SLC8B1: variants seen among roughly 807,000 people sequenced by gnomAD.
SLC8B1 encodes solute carrier family 8 member B1.
A neutral mutation model predicts 63.4 loss-of-function variants in SLC8B1; 52 were observed. The observed-to-expected ratio is 0.82, with a 90% CI of 0.66 to 1.03. SLC8B1 has a LOEUF of 1.03. Among genes scored for constraint, SLC8B1 ranks in the 50% least tolerant of loss-of-function variants. The pLI, the probability that SLC8B1 is intolerant of heterozygous loss-of-function variation, is 0.00. For synonymous variants in SLC8B1, 336 were observed against 323.9 expected, an observed-to-expected ratio of 1.04 and a Z score of -0.40; for missense variants, 657 against 741.7, an observed-to-expected ratio of 0.89 and a Z score of 1.33.
In SLC8B1 at chr12:113,320,072, T is replaced by G; in HGVS notation, c.694+259A>C. 1 of 463,754 alleles carries G rather than the reference T, an allele frequency of 2.2e-6. No homozygotes were observed. The highest frequency in any genetic ancestry group is 2.6e-5 in the South Asian group (1 of 38,056). 28.7% of individuals were successfully genotyped at this position (463,754 alleles called of 1,614,324 possible). A position where few individuals can be genotyped will look rare whatever the true frequency, so the allele number is the denominator to read the frequency against. On this transcript the variant is annotated intron_variant, in intron 7 of 15. Coordinates refer to ENST00000680972, the MANE Select transcript of SLC8B1 (RefSeq NM_001358345.2). The surrounding 1 kb of genome is among the most constrained non-coding windows in gnomAD (Gnocchi z 5.3). ...CCTCTCAAATTGCTGGGATGATAGGTGTGAGCCATCACGCTTGGCCAAAAA... is the reference window on the plus strand; with the variant it reads ...CCTCTCAAATTGCTGGGATGATAGGGGTGAGCCATCACGCTTGGCCAAAAA...
chr12:113,310,612 C>T lies in SLC8B1; in HGVS notation c.1136-257G>A, dbSNP rs117973476. ...TAGGAATGGCTATAACCACTAACAC[C>T]ACCACCCTCTTCCACCTTCATGGCA... On this transcript the variant is annotated intron_variant, in intron 11 of 15. Transcript: ENST00000680972. Among the ~76,000 whole-genome samples, 19 of 152,308 alleles carry T rather than the reference C, an allele frequency of 1.2e-4. No individual in the cohort carries two copies. The East Asian group carries it at 2.9e-3, about 23-fold the overall frequency.
At position 113,335,103 on chromosome 12, in the gene SLC8B1, C is replaced by T. The variant is rs577446121; in HGVS notation, c.-743G>A. On this transcript the variant is annotated 5_prime_UTR_variant, in exon 1 of 16. Coordinates refer to ENST00000680972, the MANE Select transcript of SLC8B1 (RefSeq NM_001358345.2). ...CCTTGCGCCAGCGAAGCCGCCAGTC[C>T]GGGTGCCCCGCCTGCTGCAGCGTCC... The T allele has an allele frequency of 6.6e-6, 1 of 152,408 alleles. No individual in the cohort carries two copies. The highest frequency in any genetic ancestry group is 1.5e-5 in the Non-Finnish European group (1 of 68,216). The allele number at this position is 152,408 out of a possible 1,614,324, so 9.4% of individuals were successfully genotyped here.
At position 113,321,190 on chromosome 12, in the gene SLC8B1, C is replaced by T. The variant is rs1462188665; in HGVS notation, c.309+6G>A. The stretch of plus-strand genomic sequence containing the variant: ...CTCTCACCAGCCCCCCAGGGCAGGG[C>T]CTCACGTAGAGAGTGACAGCCAGAG... On this transcript the variant is annotated splice_donor_region_variant and intron_variant, in intron 3 of 15. Transcript: ENST00000680972. 4.3e-6 allele frequency: 7 copies of T among 1,613,920 alleles called. No individual in the cohort carries two copies. The highest frequency in any genetic ancestry group is 1.7e-5 in the Admixed American group (1 of 59,994).
chr12:113,303,652 A>G (rs1956630501), intron 15 of SLC8B1, among the ~76,000 whole-genome samples: 1 of 152,174 alleles, frequency 6.6e-6, no homozygotes, highest in Non-Finnish European at 1.5e-5. Flanking sequence ...TCGAATAGAA[A>G]AAAATTCACT....
rs756542832 is a variant in SLC8B1, at chr12:113,332,790, G to A, written c.89C>T (p.Ser30Leu). ...GGGGCTAATGTGAGCTCCTGTAGACGAGCCCCTAGTCCCAGACACTGTCTC... is the reference window on the plus strand; with the variant it reads ...GGGGCTAATGTGAGCTCCTGTAGACAAGCCCCTAGTCCCAGACACTGTCTC... ...MAETVSGTRG[S>L]STGAHISPQF... The change falls in exon 2 of 16, where the codon TCG (serine) becomes TTG (leucine). Residue 30 changes from serine to leucine, a missense_variant. Physicochemically the swap from Ser to Leu is moderately radical, Grantham distance 145. Coordinates refer to ENST00000680972, the MANE Select transcript of SLC8B1 (RefSeq NM_001358345.2). 13 of 1,614,038 alleles carry A rather than the reference G, an allele frequency of 8.1e-6. No individual in the cohort carries two copies. The highest frequency in any genetic ancestry group is 2.7e-5 in the African/African-American group (2 of 74,944).
Position 113,320,572 on chromosome 12 carries a change from T to C in SLC8B1, c.526+9A>G. On this transcript the variant is annotated intron_variant, in intron 6 of 15. Transcript: ENST00000680972. The surrounding 1 kb of genome is among the most constrained non-coding windows in gnomAD (Gnocchi z 5.3). ...CTTTCCCCGCCCCCCTCACTGGGGC[T>C]GCTCTCACCAAACAGTGCCCCAAGG... The C allele has an allele frequency of 1.2e-6, 2 of 1,613,986 alleles. No individual in the cohort carries two copies. Among genetic ancestry groups the C allele is most frequent in the Non-Finnish European group, 1.7e-6 (2 of 1,179,956 alleles).
intron 11 of SLC8B1, among the ~76,000 whole-genome samples, chr12:113,314,101 C>T (rs1956800545): frequency 6.6e-6 from 1 of 152,240 alleles, no homozygotes; most frequent in Non-Finnish European, 1.5e-5. Flanking sequence ...GCCTGAAAGG[C>T]AAGGCTTCCC....
intron 2 of SLC8B1, among the ~76,000 whole-genome samples, chr12:113,326,135 CAT>C (rs1017032284): frequency 6.6e-6 from 1 of 152,114 alleles, no homozygotes; most frequent in Non-Finnish European, 1.5e-5. Context: ...GGTTGGGAGA[CAT>C]AAATCAAAAG....
intron 11 of SLC8B1, among the ~76,000 whole-genome samples, chr12:113,312,579 T>C (rs1039345461): frequency 3.3e-5 from 5 of 152,252 alleles, no homozygotes; most frequent in African/African-American, 7.2e-5. Context: ...ACAGCACCCC[T>C]TCAGGCTGGG....
At chr12:113,317,789 A>ATGTGAGTGTATTTG (rs1180027574) in intron 8 of SLC8B1, among the ~76,000 whole-genome samples, 2 of 151,182 alleles carry the variant, frequency 1.3e-5, no homozygotes, top group East Asian at 3.9e-4. Context: ...TGTGTTGTGT[A>ATGTGAGTGTATTTG]TGTGAGTGTA....
chr12:113,321,679 AG>A (rs1956932835), intron 2 of SLC8B1, among the ~76,000 whole-genome samples: 1 of 152,056 alleles, frequency 6.6e-6, no homozygotes, highest in South Asian at 2.1e-4. Context: ...GACATTTCTC[AG>A]ATCAATTATA....
intron 11 of SLC8B1, among the ~76,000 whole-genome samples, chr12:113,314,436 C>T (rs908994774): frequency 6.6e-6 from 1 of 152,238 alleles, no homozygotes; most frequent in Admixed American, 6.5e-5. Context: ...AGGAAACAGA[C>T]AGCATGAGAT....
rs897520432 is a variant in SLC8B1 at position 113,305,599 on chromosome 12, A to G, written c.1492+896T>C. On this transcript the variant is annotated intron_variant, in intron 14 of 15. Coordinates refer to ENST00000680972, the MANE Select transcript of SLC8B1 (RefSeq NM_001358345.2). This position sits in a 1 kb window ranked among gnomAD's most constrained non-coding sequence, Gnocchi z 4.3. ...TTCTATATAGACCAAAAGTTGGCAAACATCAGCCCTCCGGCCAAATTTGGC... is the reference window on the plus strand; with the variant it reads ...TTCTATATAGACCAAAAGTTGGCAAGCATCAGCCCTCCGGCCAAATTTGGC... Among the ~76,000 whole-genome samples the G allele has an allele frequency of 1.3e-5, 2 of 152,242 alleles. No homozygotes were observed. The highest frequency in any genetic ancestry group is 4.8e-5 in the African/African-American group (2 of 41,464).
At chr12:113,315,154 T>C (rs886286310) in intron 11 of SLC8B1, among the ~76,000 whole-genome samples, 181 bp downstream of exon 11, 1 of 152,134 alleles carries the variant, frequency 6.6e-6, no homozygotes, top group Admixed American at 6.6e-5. Context: ...GGCGTGGTAG[T>C]GCACGCCTGT....
chr12:113,314,119 T>C (rs1394701514), intron 11 of SLC8B1, among the ~76,000 whole-genome samples: 1 of 152,252 alleles, frequency 6.6e-6, no homozygotes, highest in East Asian at 1.9e-4. Context: ...CCCCGCTCCG[T>C]AGAGAATGGA....
chr12:113,333,648 AC>A (rs536494272), intron 1 of SLC8B1, among the ~76,000 whole-genome samples: 1 of 149,992 alleles, frequency 6.7e-6, no homozygotes, highest in Admixed American at 6.6e-5. Context: ...TGGAAATGTC[AC>A]CCCCCCGCCC....
intron 12 of SLC8B1, among the ~76,000 whole-genome samples, chr12:113,309,876 G>A (rs772283750): frequency 6.6e-6 from 1 of 152,090 alleles, no homozygotes; most frequent in African/African-American, 2.4e-5. Context: ...GTGGGGAAAT[G>A]GGGAGTGACT....
rs113046884 is a variant in SLC8B1, at chr12:113,300,026, G to A, written c.1558-52C>T. ...TGAGTCACTGCCCGTCACAGGCCCC[G>A]CCCCGTCTGTGGCCAACACAACAAT... is the stretch of plus-strand genomic sequence containing the variant. On this transcript the variant is annotated intron_variant, in intron 15 of 15. Transcript: ENST00000680972. The A allele has an allele frequency of 2.1e-5, 32 of 1,548,902 alleles. No homozygotes were observed. In the East Asian group the frequency reaches 2.3e-4, roughly 11 times the overall value.
intron 2 of SLC8B1, among the ~76,000 whole-genome samples, chr12:113,330,435 G>A (rs1431897188): frequency 1.3e-5 from 2 of 152,192 alleles, no homozygotes; most frequent in East Asian, 3.8e-4. Context: ...TCTCATCCTG[G>A]CTCTGCCACT....
Sources: gnomAD v4.1 joint callset for allele counts (sites outside exome capture counted in the v4.1 genomes callset) on GRCh38, gnomAD v4.1.1 for gene constraint, Gnocchi (gnomAD v3.1) non-coding constraint, MANE v1.5 for transcripts, NCBI Gene and HGNC (gene_info 2026-07-23, HGNC 2026-07-21) for gene names.